MCEE: variants seen among roughly 807,000 people sequenced by gnomAD.
The protein encoded by MCEE is methylmalonyl-CoA epimerase.
Under a neutral mutation model 12.9 loss-of-function variants are expected in MCEE, and 6 were observed. The observed-to-expected ratio is 0.47, with a 90% confidence interval of 0.26 to 0.92. The LOEUF is 0.92. Among genes scored for constraint, MCEE ranks in the 40% least tolerant of loss-of-function variants. The probability of loss-of-function intolerance (pLI) is 0.16; values close to 1 mark genes in which losing one functional copy is unlikely to be tolerated. For missense variants in MCEE, 214 were observed against 212.1 expected, an observed-to-expected ratio of 1.01 and a Z score of -0.05; for synonymous variants, 78 against 77.9, an observed-to-expected ratio of 1.00 and a Z score of -0.01.
intron 2 of MCEE, among the ~76,000 whole-genome samples, chr2:71,112,989 C>A (rs1672920368): frequency 6.6e-6 from 1 of 152,124 alleles, no homozygotes; most frequent in African/African-American, 2.4e-5. Context: ...TTTTGGAATT[C>A]TAGTTTCTAG....
At chr2:71,120,833 G>A (rs1673085922) in intron 2 of MCEE, among the ~76,000 whole-genome samples, 1 of 151,884 alleles carries the variant, frequency 6.6e-6, no homozygotes, top group East Asian at 1.9e-4. Flanking sequence ...TGCCTCCCAG[G>A]TTCAAACGAT....
At chr2:71,118,577 G>A (rs1427463704) in intron 2 of MCEE, among the ~76,000 whole-genome samples, 1 of 149,918 alleles carries the variant, frequency 6.7e-6, no homozygotes, top group Admixed American at 6.6e-5. Flanking sequence ...GGGGATTGGT[G>A]GTTCACAGAC....
intron 2 of MCEE, among the ~76,000 whole-genome samples, chr2:71,122,241 C>T (rs562038120): frequency 6.6e-6 from 1 of 152,232 alleles, no homozygotes; most frequent in Non-Finnish European, 1.5e-5. Flanking sequence ...TCAAGTGATG[C>T]TCCCACATCA....
chr2:71,112,982 T>G (rs752969571), intron 2 of MCEE, among the ~76,000 whole-genome samples: 12 of 152,250 alleles, frequency 7.9e-5, no homozygotes, highest in Non-Finnish European at 1.3e-4. Flanking sequence ...CTCTTGATTT[T>G]GGAATTCTAG....
In MCEE at chr2:71,129,939, A is replaced by G. The variant is rs1673332852; in HGVS notation, c.40+241T>C. The G allele has an allele frequency of 3.3e-5, 20 of 606,626 alleles. No individual in the cohort carries two copies. The South Asian group carries it at 3.6e-4, about 11-fold the overall frequency. 37.6% of individuals were successfully genotyped at this position (606,626 alleles called of 1,614,324 possible). ...CCCGCCCACATACTGGAAGGTGCAG[A>G]GCCCAAGGCGCACAGCTCTCGGATG... On this transcript the variant is annotated intron_variant, in intron 1 of 2. Coordinates refer to ENST00000244217, the MANE Select transcript of MCEE (RefSeq NM_032601.4).
chr2:71,125,346 T>C (rs1228619680), intron 1 of MCEE, among the ~76,000 whole-genome samples: 1 of 151,086 alleles, frequency 6.6e-6, no homozygotes, highest in Non-Finnish European at 1.5e-5. Context: ...GTAGCTGGAA[T>C]TACAGGCACC....
chr2:71,129,603 AGGG>A (rs1673322872), intron 1 of MCEE: 1 of 153,574 alleles, frequency 6.5e-6, no homozygotes, highest in Admixed American at 6.5e-5. Flanking sequence ...AAAAAAATGA[AGGG>A]GGAGAGAACT....
At chr2:71,125,211 A>ATATATTTTTTTTTTTTTT in intron 1 of MCEE, among the ~76,000 whole-genome samples, 3 of 48,610 alleles carry the variant, frequency 6.2e-5, no homozygotes, top group Non-Finnish European at 1.3e-4. Context: ...ATATATATAT[A>ATATATTTTTTTTTTTTTT]TTTTTTTTTT....
At position 71,109,879 on chromosome 2, in the gene MCEE, G is replaced by C; in HGVS notation, c.*91C>G. On this transcript the variant is annotated 3_prime_UTR_variant, in exon 3 of 3. Transcript: ENST00000244217. ...TTTAACTGTGAACTTTTACATGATG[G>C]AAGCAGTGAAGGACTCAATGTCATA... is the stretch of plus-strand genomic sequence containing the variant. 1 of 1,238,572 alleles carries C rather than the reference G, an allele frequency of 8.1e-7. No individual in the cohort carries two copies. The highest frequency in any genetic ancestry group is 1.2e-6 in the Non-Finnish European group (1 of 855,818). 76.7% of individuals were successfully genotyped at this position (1,238,572 alleles called of 1,614,324 possible). A position where few individuals can be genotyped will look rare whatever the true frequency, so the allele number is the denominator to read the frequency against.
chr2:71,118,647 T>A (rs969398270), intron 2 of MCEE, among the ~76,000 whole-genome samples: 8 of 149,786 alleles, frequency 5.3e-5, no homozygotes, highest in Non-Finnish European at 8.8e-5. Flanking sequence ...GAGGCCTCTT[T>A]TATAAGGACA....
chr2:71,111,308 G>A (rs1440312692), intron 2 of MCEE, among the ~76,000 whole-genome samples: 2 of 152,068 alleles, frequency 1.3e-5, no homozygotes, highest in East Asian at 1.9e-4. Flanking sequence ...TGGCAGGAAC[G>A]GCTCGACCCA....
At chr2:71,119,453 G>T (rs747744041) in intron 2 of MCEE, among the ~76,000 whole-genome samples, 1 of 150,622 alleles carries the variant, frequency 6.6e-6, no homozygotes, top group Non-Finnish European at 1.5e-5. Flanking sequence ...TTGTTATGCG[G>T]TGTGGGACTG....
intron 2 of MCEE, among the ~76,000 whole-genome samples, chr2:71,122,392 C>G (rs765249458): frequency 6.6e-6 from 1 of 152,198 alleles, no homozygotes; most frequent in Non-Finnish European, 1.5e-5. Flanking sequence ...ACCTTGGCCT[C>G]CCAAAGTGCT....
At chr2:71,120,125 G>A (rs1460937193) in intron 2 of MCEE, among the ~76,000 whole-genome samples, 1 of 150,204 alleles carries the variant, frequency 6.7e-6, no homozygotes, top group Non-Finnish European at 1.5e-5. Context: ...GAAAAGGAAT[G>A]TTACTCAGGT....
Position 71,110,113 on chromosome 2 carries a change from T to C in MCEE, c.388A>G (p.Ile130Val). 1 of 1,612,582 alleles carries C rather than the reference T, an allele frequency of 6.2e-7. No individual in the cohort carries two copies. The highest frequency in any genetic ancestry group is 8.5e-7 in the Non-Finnish European group (1 of 1,178,806). The change falls in exon 3 of 3, where the codon ATT becomes GTT. Residue 130 changes from isoleucine (I) to valine (V), a missense_variant. Coordinates refer to ENST00000244217, the MANE Select transcript of MCEE (RefSeq NM_032601.4). ...MHHICIEVDN[I>V]NAAVMDLKKK... ...TTCAAATCCATCACAGCTGCATTAA[T>C]ATTATCCACCTTAAGAAAGGGAAAT... is the stretch of plus-strand genomic sequence containing the variant.
chr2:71,124,775 T>C (rs1202175203), intron 1 of MCEE, among the ~76,000 whole-genome samples: 1 of 152,144 alleles, frequency 6.6e-6, no homozygotes, highest in Non-Finnish European at 1.5e-5. Context: ...GAGCTGCAGT[T>C]AGATTTAAAA....
intron 2 of MCEE, 38 bp downstream of exon 2, chr2:71,124,168 G>A (rs1157388434): frequency 4.1e-6 from 6 of 1,457,532 alleles, no homozygotes; most frequent in East Asian, 2.3e-5. Context: ...TTTTAAAAGA[G>A]AGATTTAAAA....
chr2:71,127,569 T>G (rs1673262985), intron 1 of MCEE, among the ~76,000 whole-genome samples: 1 of 152,264 alleles, frequency 6.6e-6, no homozygotes, highest in Admixed American at 6.5e-5. Context: ...ACAATTCATT[T>G]CTTTGCATCT....
intron 1 of MCEE, among the ~76,000 whole-genome samples, chr2:71,126,214 T>C (rs1673228707): frequency 1.3e-5 from 2 of 151,672 alleles, no homozygotes; most frequent in South Asian, 2.1e-4. Flanking sequence ...TAATAATTAC[T>C]GTTAAACTGT....
Sources: allele counts gnomAD v4.1 joint callset (sites outside exome capture counted in the v4.1 genomes callset), GRCh38; gene constraint gnomAD v4.1.1; transcripts MANE v1.5; gene names NCBI Gene and HGNC (gene_info 2026-07-23, HGNC 2026-07-21).